Variants in MYH9 observed in about 807,000 individuals in gnomAD.
MYH9 encodes myosin-9.
In MYH9, 29 loss-of-function variants were observed where a neutral mutation model predicts 241.9. The observed-to-expected ratio is 0.12, with a 90% CI of 0.09 to 0.16. MYH9 has a LOEUF of 0.16. Among genes scored for constraint, MYH9 ranks in the 10% least tolerant of loss-of-function variants. The probability of loss-of-function intolerance (pLI) is 1.00; values close to 1 mark genes in which losing one functional copy is unlikely to be tolerated. For missense variants in MYH9, 1,803 were observed against 2,595.5 expected (o/e 0.69, Z 6.63); for synonymous variants, 1,047 against 1,062.6 (o/e 0.99, Z 0.29).
intron 15 of MYH9, chr22:36,308,787 A>G (rs2017012952): frequency 1.0e-6 from 1 of 981,494 alleles, no homozygotes; most frequent in African/African-American, 1.8e-5. Flanking sequence ...CACAAGAGAC[A>G]CCACTCGGGC....
chr22:36,377,502 A>T (rs1856454117), intron 1 of MYH9, among the ~76,000 whole-genome samples: 1 of 152,240 alleles, frequency 6.6e-6, no homozygotes, highest in Non-Finnish European at 1.5e-5. Flanking sequence ...AGTTGCAGGC[A>T]TCAGAAACCT....
chr22:36,355,059 G>GC (rs1483742390), intron 1 of MYH9, among the ~76,000 whole-genome samples: 1 of 151,506 alleles, frequency 6.6e-6, no homozygotes. Flanking sequence ...GGGCAGGCCA[G>GC]CAAGAGGTTC....
At position 36,293,340 on chromosome 22, in the gene MYH9, G is replaced by A. The variant is rs1278490017; in HGVS notation, c.4084C>T (p.Leu1362Phe). The A allele has an allele frequency of 1.2e-6, 2 of 1,614,056 alleles. No individual in the cohort carries two copies. Among genetic ancestry groups the A allele is most frequent in the Admixed American group, 1.7e-5 (1 of 60,028 alleles). ...CCAGGCCTCCAAACCTGGGCATGGA[G>A]GGTGGCGATCTGCTTCTCCAGGTTG... ...KHNLEKQIAT[L>F]HAQVADMKKK... The change falls in exon 30 of 41, where the codon CTC becomes TTC. Residue 1362 changes from leucine (L) to phenylalanine (F), a missense_variant. Physicochemically the swap from Leu to Phe is conservative, Grantham distance 22. Coordinates refer to ENST00000216181, the MANE Select transcript of MYH9 (RefSeq NM_002473.6). The surrounding 1 kb of genome is among the most constrained non-coding windows in gnomAD (Gnocchi z 5.1).
intron 1 of MYH9, among the ~76,000 whole-genome samples, chr22:36,367,131 G>A (rs776623276): frequency 1.7e-4 from 26 of 152,090 alleles, no homozygotes; most frequent in Non-Finnish European, 3.2e-4. Flanking sequence ...GCACTAGTGC[G>A]GCCTCCTTTT....
At position 36,301,039 on chromosome 22, in the gene MYH9, G is replaced by C; in HGVS notation, c.2650C>G (p.Gln884Glu). 6.2e-7 allele frequency: 1 copy of C among 1,610,404 alleles called. No individual in the cohort carries two copies. The highest frequency in any genetic ancestry group is 8.5e-7 in the Non-Finnish European group (1 of 1,179,994). Residue 884 changes from glutamine (Q) to glutamate (E), a missense_variant, in exon 22 of 41, where the codon CAG (glutamine) becomes GAG (glutamate). By Grantham distance (29) the Gln-to-Glu change is conservative. This residue lies in a region of MYH9 where 290 missense variants were observed against 360.5 expected (regional missense o/e 0.80). Transcript: ENST00000216181. ...LQSQLMAEKL[Q>E]LQEQLQAETE... ...TCTGCCTGGAGCTGCTCCTGCAGCT[G>C]CAATTTCTCTGCCATGAGCTGCAAA...
In MYH9 at chr22:36,285,357, G is replaced by A; in HGVS notation, c.5275-28C>T. On this transcript the variant is annotated intron_variant, in intron 37 of 40. Transcript: ENST00000216181. This position sits in a 1 kb window ranked among gnomAD's most constrained non-coding sequence, Gnocchi z 7.0. ...GCAGAAGAAGGGCCAGTGACCTTGGGGAGGGCTGGGGCCCTGGCTGGAGGG... is the reference window on the plus strand; with the variant it reads ...GCAGAAGAAGGGCCAGTGACCTTGGAGAGGGCTGGGGCCCTGGCTGGAGGG... 2 of 1,601,264 alleles carry A rather than the reference G, an allele frequency of 1.2e-6. No homozygotes were observed. Among genetic ancestry groups the A allele is most frequent in the Non-Finnish European group, 1.7e-6 (2 of 1,177,998 alleles).
intron 3 of MYH9, among the ~76,000 whole-genome samples, chr22:36,335,727 C>A (rs145958272): frequency 1.8e-3 from 271 of 152,338 alleles, no homozygotes; most frequent in African/African-American, 6.1e-3. Context: ...TCAAGACCAG[C>A]CAGAGAAAAT....
In MYH9 at chr22:36,318,226, T is replaced by C. The variant is rs747265281; in HGVS notation, c.1208A>G (p.Lys403Arg). 2 of 1,613,730 alleles carry C rather than the reference T, an allele frequency of 1.2e-6. No individual in the cohort carries two copies. Among genetic ancestry groups the C allele is most frequent in the Non-Finnish European group, 1.7e-6 (2 of 1,180,026 alleles). Residue 403 changes from lysine (K) to arginine (R), a missense_variant, in exon 11 of 41, where the codon AAG becomes AGG. Around this residue, in one of 11 missense-constraint regions of MYH9, gnomAD observed 222 missense variants for 359.9 expected, o/e 0.62. Coordinates refer to ENST00000216181, the MANE Select transcript of MYH9 (RefSeq NM_002473.6). The part of the protein sequence containing the change: ...RIKVGRDYVQ[K>R]AQTKEQADFA... ...ACATACCTGCTCTTTAGTCTGCGCC[T>C]TCTGGACGTAATCCCGTCCCACCTT...
At position 36,299,294 on chromosome 22, in the gene MYH9, G is replaced by A. The variant is rs773495084; in HGVS notation, c.2977-252C>T. ...GCCCTTCCCCTTCCCCTGTGGGCTTGGGTGAGAAAGGATTCCAGGTGACAG... is the reference window on the plus strand; with the variant it reads ...GCCCTTCCCCTTCCCCTGTGGGCTTAGGTGAGAAAGGATTCCAGGTGACAG... On this transcript the variant is annotated intron_variant, in intron 23 of 40. Coordinates refer to ENST00000216181, the MANE Select transcript of MYH9 (RefSeq NM_002473.6). 5.9e-4 allele frequency among the ~76,000 whole-genome samples: 90 copies of A among 152,254 alleles called. 1 individual carries two copies. Among genetic ancestry groups the A allele is most frequent in the Non-Finnish European group, 3.5e-4 (24 of 68,016 alleles).
intron 38 of MYH9, 31 bp from the exon 39 acceptor site, chr22:36,284,542 A>G: frequency 6.2e-7 from 1 of 1,602,610 alleles, no homozygotes; most frequent in Non-Finnish European, 8.5e-7. Context: ...CTCAGAGGGA[A>G]CACCCTCCTT....
chr22:36,362,772 G>A (rs983966844), intron 1 of MYH9, among the ~76,000 whole-genome samples: 10 of 152,120 alleles, frequency 6.6e-5, no homozygotes, highest in East Asian at 1.9e-4. Context: ...CACTACACCC[G>A]GCCTGAAACC....
In MYH9 at chr22:36,296,856, C is replaced by T; in HGVS notation, c.3259G>A (p.Ala1087Thr). 6.2e-7 allele frequency: 1 copy of T among 1,611,144 alleles called. No individual in the cohort carries two copies. The highest frequency in any genetic ancestry group is 8.5e-7 in the Non-Finnish European group (1 of 1,179,290). ...QLAKKEEELQAALARVEEEAA... is the reference protein window; with the variant it reads ...QLAKKEEELQTALARVEEEAA... ...CGGGGTCCTCACCTGGCCAGGGCGG[C>T]CTGGAGCTCCTCCTCTTTCTTGGCC... Residue 1087 changes from alanine (A) to threonine (T), a missense_variant, in exon 25 of 41, where the codon GCC becomes ACC. Transcript: ENST00000216181.
Position 36,304,101 on chromosome 22 carries a change from A to C in MYH9, c.2284T>G (p.Phe762Val). Residue 762 changes from phenylalanine to valine, a missense_variant, in exon 19 of 41, where the codon TTC (phenylalanine) becomes GTC (valine). Transcript: ENST00000216181. ...TGGGCCAGCACACCGGCACGGAAGA[A>C]GACTTTGCTCTGGCCAATGCGGTAC... ...NLYRIGQSKV[F>V]FRAGVLAHLE... The C allele has an allele frequency of 1.9e-6, 3 of 1,613,780 alleles. No individual in the cohort carries two copies. Among genetic ancestry groups the C allele is most frequent in the South Asian group, 1.1e-5 (1 of 91,076 alleles).
In MYH9 at chr22:36,306,658, G is replaced by A. The variant is rs2016976045; in HGVS notation, c.1844-51C>T. 6.4e-7 allele frequency: 1 copy of A among 1,564,998 alleles called. No individual in the cohort carries two copies. Among genetic ancestry groups the A allele is most frequent in the African/African-American group, 1.3e-5 (1 of 74,090 alleles). ...AGTGCCCACACAGTTGCAGCTGGGT[G>A]GTGGGGGAGCACGTAGGAGAGAGAG... is the stretch of plus-strand genomic sequence containing the variant. On this transcript the variant is annotated intron_variant, in intron 15 of 40. Transcript: ENST00000216181. The surrounding 1 kb of genome is among the most constrained non-coding windows in gnomAD (Gnocchi z 4.1).
intron 1 of MYH9, among the ~76,000 whole-genome samples, chr22:36,362,400 G>A (rs1336973736): frequency 2.0e-5 from 3 of 152,130 alleles, no homozygotes; most frequent in African/African-American, 7.2e-5. Flanking sequence ...GATCTCATGT[G>A]GCATGTGTCA....
At chr22:36,378,715 G>GC (rs2018209411) in intron 1 of MYH9, among the ~76,000 whole-genome samples, 1 of 151,924 alleles carries the variant, frequency 6.6e-6, no homozygotes, top group South Asian at 2.1e-4. Context: ...TAACCCTAGT[G>GC]CCCCCCAACA....
At chr22:36,355,091 G>A (rs1189212846) in intron 1 of MYH9, among the ~76,000 whole-genome samples, 2 of 151,656 alleles carry the variant, frequency 1.3e-5, no homozygotes, top group Non-Finnish European at 2.9e-5. Flanking sequence ...AGCAGCTCTC[G>A]CCCCTGGAGA....
chr22:36,324,548 C>G (rs1303516608), intron 5 of MYH9, among the ~76,000 whole-genome samples: 1 of 152,258 alleles, frequency 6.6e-6, no homozygotes, highest in African/African-American at 2.4e-5. Flanking sequence ...CCTGGCCTCC[C>G]CGCAGCAAGG....
rs1476839512 is a variant in MYH9, at chr22:36,316,561, A to G, written c.1336T>C (p.Ser446Pro). 1 of 1,614,018 alleles carries G rather than the reference A, an allele frequency of 6.2e-7. No individual in the cohort carries two copies. The change falls in exon 12 of 41, where the codon TCC becomes CCC. Residue 446 changes from serine to proline, a missense_variant. Transcript: ENST00000216181. Reference sequence around the variant, plus strand: ...GCAATGTCCAGGATCCCGATGAAGGAGGCGCCCTGCCTCTTGGTCTTGTCC... The same window carrying G: ...GCAATGTCCAGGATCCCGATGAAGGGGGCGCCCTGCCTCTTGGTCTTGTCC... ...ALDKTKRQGA[S>P]FIGILDIAGF... is the part of the protein sequence containing the mutation.
Sources: allele counts gnomAD v4.1 joint callset (sites outside exome capture counted in the v4.1 genomes callset), GRCh38; gene constraint gnomAD v4.1.1; regional missense constraint gnomAD v4.1.1; non-coding constraint Gnocchi (gnomAD v3.1); transcripts MANE v1.5; gene names NCBI Gene and HGNC (gene_info 2026-07-23, HGNC 2026-07-21).